Variants in SORCS3 observed in about 807,000 individuals in gnomAD.
SORCS3 encodes VPS10 domain-containing receptor SorCS3.
Under a neutral mutation model 146.3 loss-of-function variants are expected in SORCS3, and 57 were observed. The ratio of observed to expected loss-of-function variants is 0.39; its 90% CI spans 0.31 to 0.49. The LOEUF (loss-of-function observed/expected upper bound fraction) is 0.49, where lower values mean the gene tolerates loss of function less well. Ranked by LOEUF, SORCS3 falls within the 20% of genes least tolerant of loss-of-function variation. The pLI is 0.92. For missense variants in SORCS3, 1,341 were observed against 1,575.5 expected, an observed-to-expected ratio of 0.85 and a Z score of 2.52; for synonymous variants, 653 against 618.5, an observed-to-expected ratio of 1.06 and a Z score of -0.83.
At chr10:105,055,168 T>A (rs2055438140) in intron 5 of SORCS3, among the ~76,000 whole-genome samples, 1 of 152,198 alleles carries the variant, frequency 6.6e-6, no homozygotes, top group Non-Finnish European at 1.5e-5. Flanking sequence ...TTCCTATGAA[T>A]GTTCAGTTTT....
At chr10:104,974,318 G>T (rs959102308) in intron 3 of SORCS3, among the ~76,000 whole-genome samples, 2 of 152,104 alleles carry the variant, frequency 1.3e-5, no homozygotes, top group African/African-American at 4.8e-5. Context: ...CATTATTATT[G>T]TGTGGGAGTC....
At chr10:104,666,680 A>C (rs942538985) in intron 1 of SORCS3, among the ~76,000 whole-genome samples, 7 of 152,246 alleles carry the variant, frequency 4.6e-5, no homozygotes, top group African/African-American at 1.7e-4. Flanking sequence ...ATCATAGCTC[A>C]CTGTAACCTC....
chr10:104,681,090 A>G (rs2015967667), intron 1 of SORCS3, among the ~76,000 whole-genome samples: 2 of 152,192 alleles, frequency 1.3e-5, no homozygotes, highest in South Asian at 4.1e-4. Context: ...TGGGCGTAAC[A>G]CATGCCGGTC....
intron 2 of SORCS3, among the ~76,000 whole-genome samples, chr10:104,861,720 G>C (rs1029203229): frequency 3.3e-5 from 5 of 152,182 alleles, no homozygotes; most frequent in African/African-American, 9.7e-5. Context: ...GGGAGGATCA[G>C]GGAGGACGTT....
intron 1 of SORCS3, among the ~76,000 whole-genome samples, chr10:104,748,862 A>G (rs1262089967): frequency 6.6e-6 from 1 of 152,184 alleles, no homozygotes; most frequent in East Asian, 1.9e-4. Context: ...GTGAAAAAAT[A>G]AAAAGAATTC....
At chr10:104,728,639 G>A (rs375824444) in intron 1 of SORCS3, among the ~76,000 whole-genome samples, 1 of 152,170 alleles carries the variant, frequency 6.6e-6, no homozygotes, top group Non-Finnish European at 1.5e-5. Context: ...GCTCAAGGCC[G>A]TTTACACTTG....
At chr10:105,009,534 A>G (rs9420939) in intron 4 of SORCS3, among the ~76,000 whole-genome samples, 1 of 120,442 alleles carries the variant, frequency 8.3e-6, no homozygotes, top group Non-Finnish European at 1.9e-5. Context: ...AAACAAAAAA[A>G]AAAAAAAAAA....
intron 7 of SORCS3, among the ~76,000 whole-genome samples, chr10:105,115,488 G>A (rs943937946): frequency 6.6e-6 from 1 of 152,106 alleles, no homozygotes; most frequent in African/African-American, 2.4e-5. Context: ...ATTATTCATA[G>A]ATTCAATTCA....
chr10:104,989,671 G>A (rs1275608942), intron 4 of SORCS3, among the ~76,000 whole-genome samples: 1 of 152,158 alleles, frequency 6.6e-6, no homozygotes, highest in Non-Finnish European at 1.5e-5. Context: ...GGATGGGGGA[G>A]GAAATTGGCT....
intron 5 of SORCS3, among the ~76,000 whole-genome samples, chr10:105,048,686 TA>T (rs904751354): frequency 2.0e-5 from 3 of 151,398 alleles, no homozygotes; most frequent in East Asian, 1.9e-4. Context: ...AAAGTATAAT[TA>T]AAAAAAAGAG....
At chr10:105,262,910 A>G (rs2056970376) in intron 26 of SORCS3, among the ~76,000 whole-genome samples, 1 of 152,146 alleles carries the variant, frequency 6.6e-6, no homozygotes, top group African/African-American at 2.4e-5. Context: ...GATCGGTGAA[A>G]TGGGAGTAGT....
At chr10:104,651,464 C>T (rs747797615) in intron 1 of SORCS3, among the ~76,000 whole-genome samples, 6 of 144,970 alleles carry the variant, frequency 4.1e-5, no homozygotes, top group African/African-American at 7.7e-5. Context: ...GAGGCTGAGG[C>T]GGGCAGATCA....
chr10:105,129,514 A>G (rs2056002631), intron 7 of SORCS3, among the ~76,000 whole-genome samples: 1 of 151,958 alleles, frequency 6.6e-6, no homozygotes, highest in African/African-American at 2.4e-5. Context: ...GTCCTTATCT[A>G]TAACACTGAA....
chr10:104,866,845 C>T (rs1373086953), intron 2 of SORCS3, among the ~76,000 whole-genome samples: 1 of 152,178 alleles, frequency 6.6e-6, no homozygotes, highest in Admixed American at 6.5e-5. Context: ...CAATTTTGAA[C>T]AGTCACTCAT....
chr10:104,713,137 G>A (rs977946462), intron 1 of SORCS3, among the ~76,000 whole-genome samples: 1 of 152,084 alleles, frequency 6.6e-6, no homozygotes, highest in Non-Finnish European at 1.5e-5. Flanking sequence ...GCGTGTGTGT[G>A]TGTGTGTGTG....
chr10:104,892,733 A>T (rs5787556), intron 2 of SORCS3, among the ~76,000 whole-genome samples: 39 of 140,912 alleles, frequency 2.8e-4, no homozygotes, highest in Admixed American at 1.5e-3. Context: ...AAAAAAAAAA[A>T]TTTTTTTTTC....
At chr10:105,212,973 A>G (rs1201821815) in intron 17 of SORCS3, among the ~76,000 whole-genome samples, 1 of 152,220 alleles carries the variant, frequency 6.6e-6, no homozygotes, top group East Asian at 1.9e-4. Flanking sequence ...AATGTAAAAA[A>G]TAAGGTGATA....
chr10:104,994,887 G>T (rs2055015145), intron 4 of SORCS3, among the ~76,000 whole-genome samples: 1 of 152,158 alleles, frequency 6.6e-6, no homozygotes, highest in Non-Finnish European at 1.5e-5. Flanking sequence ...AAATAAAGTT[G>T]CAATGAGAAT....
chr10:104,945,006 A>C (rs1354286280), intron 3 of SORCS3, among the ~76,000 whole-genome samples: 1 of 152,234 alleles, frequency 6.6e-6, no homozygotes, highest in Non-Finnish European at 1.5e-5. Flanking sequence ...ACCATACAGT[A>C]ATGAGATTGA....
Sources: gnomAD v4.1 joint callset for allele counts (sites outside exome capture counted in the v4.1 genomes callset) on GRCh38, gnomAD v4.1.1 for gene constraint, MANE v1.5 for transcripts, NCBI Gene and HGNC (gene_info 2026-07-23, HGNC 2026-07-21) for gene names.